The following LRFN5 variants were observed in gnomAD, a reference collection of about 807,000 sequenced individuals.
LRFN5 encodes leucine rich repeat and fibronectin type III domain containing 5.
Under a neutral mutation model 45.6 loss-of-function variants are expected in LRFN5, and 24 were observed. The observed-to-expected ratio is 0.53, with a 90% confidence interval of 0.38 to 0.74. The LOEUF (loss-of-function observed/expected upper bound fraction) is 0.74. Ranked by LOEUF, LRFN5 falls within the 30% of genes least tolerant of loss-of-function variation. The pLI is 0.00. For missense variants in LRFN5, 776 were observed against 861.5 expected (o/e 0.90, Z 1.24); for synonymous variants, 340 against 313.8 (o/e 1.08, Z -0.88).
At chr14:41,758,174 A>G (rs1157867897) in intron 1 of LRFN5, among the ~76,000 whole-genome samples, 1 of 152,002 alleles carries the variant, frequency 6.6e-6, no homozygotes, top group South Asian at 2.1e-4. Flanking sequence ...GATTTCCTTG[A>G]GTTTTTGTCT....
At chr14:41,863,059 T>C (rs1327197305) in intron 2 of LRFN5, among the ~76,000 whole-genome samples, 3 of 151,422 alleles carry the variant, frequency 2.0e-5, no homozygotes, top group Non-Finnish European at 2.9e-5. Flanking sequence ...TGAGACGGAG[T>C]TTCACCGTAT....
At chr14:41,673,594 C>T (rs531133713) in intron 1 of LRFN5, among the ~76,000 whole-genome samples, 66 of 147,098 alleles carry the variant, frequency 4.5e-4, no homozygotes, top group African/African-American at 1.6e-3. Flanking sequence ...ACCTCACTCC[C>T]GGATGGGGCG....
At chr14:41,812,331 G>GT (rs1026137035) in intron 2 of LRFN5, among the ~76,000 whole-genome samples, 16 of 151,694 alleles carry the variant, frequency 1.1e-4, no homozygotes, top group Admixed American at 2.0e-4. Flanking sequence ...ATTTCTATGA[G>GT]TTTTTTTTAA....
chr14:41,848,483 C>G (rs1889146346), intron 2 of LRFN5, among the ~76,000 whole-genome samples: 1 of 104,616 alleles, frequency 9.6e-6, no homozygotes, highest in Admixed American at 1.0e-4. Context: ...ACATAAATCT[C>G]TTCTGCATTA....
chr14:41,893,705 A>G (rs1401292392), intron 4 of LRFN5: 2 of 985,230 alleles, frequency 2.0e-6, no homozygotes, highest in Non-Finnish European at 2.4e-6. Context: ...GCCATTCAAT[A>G]GTATGTAAGA....
intron 1 of LRFN5, among the ~76,000 whole-genome samples, chr14:41,731,049 A>C (rs1884153038): frequency 6.6e-6 from 1 of 152,022 alleles, no homozygotes; most frequent in South Asian, 2.1e-4. Flanking sequence ...AAGACTCTTA[A>C]TATCTAAGAT....
chr14:41,881,064 C>T (rs971272644), intron 2 of LRFN5, among the ~76,000 whole-genome samples: 1 of 152,048 alleles, frequency 6.6e-6, no homozygotes, highest in African/African-American at 2.4e-5. Context: ...AGGATAAAAA[C>T]CTTTGCCTTT....
Position 41,887,550 on chromosome 14 carries a change from A to G in LRFN5, c.925A>G (p.Lys309Glu). ...GGGACAAAGGGCAACACTGAGGTGC[A>G]AAGCCAGGGGAGACCCTGAGCCTGC... The part of the protein sequence containing the change: ...LEGQRATLRC[K>E]ARGDPEPAIH... Residue 309 changes from lysine to glutamate, a missense_variant, in exon 3 of 6, where the codon AAA becomes GAA. Around this residue, in one of 2 missense-constraint regions of LRFN5, gnomAD observed 311 missense variants for 405.1 expected, o/e 0.77. Coordinates refer to ENST00000298119, the MANE Select transcript of LRFN5 (RefSeq NM_152447.5). The surrounding 1 kb of genome is among the most constrained non-coding windows in gnomAD (Gnocchi z 4.8). 1 of 1,614,208 alleles carries G rather than the reference A, an allele frequency of 6.2e-7. No individual in the cohort carries two copies. The highest frequency in any genetic ancestry group is 8.5e-7 in the Non-Finnish European group (1 of 1,180,024).
intron 2 of LRFN5, among the ~76,000 whole-genome samples, chr14:41,869,119 G>A (rs1488568073): frequency 2.6e-5 from 4 of 152,108 alleles, no homozygotes; most frequent in African/African-American, 9.7e-5. Context: ...TGGAGTGGTA[G>A]TTATTCATTT....
intron 2 of LRFN5, among the ~76,000 whole-genome samples, chr14:41,861,944 G>C (rs1006692175): frequency 1.3e-5 from 2 of 152,064 alleles, no homozygotes; most frequent in Non-Finnish European, 2.9e-5. Context: ...TTGAGGGAGG[G>C]ACCTGGTGTG....
At chr14:41,674,013 C>T (rs1463717672) in intron 1 of LRFN5, among the ~76,000 whole-genome samples, 8 of 138,426 alleles carry the variant, frequency 5.8e-5, no homozygotes, top group South Asian at 2.5e-4. Context: ...TTCCCAGACG[C>T]GGTGGCTGCC....
At chr14:41,657,205 A>G (rs954132172) in intron 1 of LRFN5, among the ~76,000 whole-genome samples, 3 of 151,954 alleles carry the variant, frequency 2.0e-5, no homozygotes, top group African/African-American at 7.2e-5. Context: ...GGATTTTCCT[A>G]ATTAGCAGAA....
At chr14:41,827,661 A>G (rs1335489151) in intron 2 of LRFN5, among the ~76,000 whole-genome samples, 1 of 152,006 alleles carries the variant, frequency 6.6e-6, no homozygotes, top group East Asian at 1.9e-4. Context: ...AAACAAAACC[A>G]TAGACCTGCT....
intron 1 of LRFN5, among the ~76,000 whole-genome samples, chr14:41,611,071 C>T: frequency 6.6e-6 from 1 of 152,186 alleles, no homozygotes; most frequent in Non-Finnish European, 1.5e-5. Flanking sequence ...CCTTTTCCCA[C>T]TAAGGACTCG....
At chr14:41,844,828 G>A (rs1050052028) in intron 2 of LRFN5, among the ~76,000 whole-genome samples, 1 of 151,774 alleles carries the variant, frequency 6.6e-6, no homozygotes. Flanking sequence ...GTCTTTTTTT[G>A]TATCATTTTC....
intron 1 of LRFN5, among the ~76,000 whole-genome samples, chr14:41,665,162 A>G (rs953997001): frequency 1.6e-4 from 25 of 151,960 alleles, no homozygotes; most frequent in African/African-American, 6.0e-4. Context: ...AAATGGTCTC[A>G]AATTTCTTAT....
intron 2 of LRFN5, among the ~76,000 whole-genome samples, chr14:41,809,048 G>T (rs1217942658): frequency 1.3e-5 from 2 of 152,204 alleles, no homozygotes; most frequent in South Asian, 4.2e-4. Flanking sequence ...GAAGCAGGAG[G>T]ACATTTCCTA....
chr14:41,774,161 A>T (rs950061799), intron 2 of LRFN5, among the ~76,000 whole-genome samples: 6 of 152,246 alleles, frequency 3.9e-5, no homozygotes, highest in African/African-American at 1.4e-4. Context: ...TAGATGCATG[A>T]CAACAATCTT....
chr14:41,615,323 C>T (rs1486371326), intron 1 of LRFN5, among the ~76,000 whole-genome samples: 1 of 152,004 alleles, frequency 6.6e-6, no homozygotes, highest in Admixed American at 6.6e-5. Context: ...TTATTTTTAG[C>T]ATGGTTGAAA....
Sources: gnomAD v4.1 joint callset for allele counts (sites outside exome capture counted in the v4.1 genomes callset) on GRCh38, gnomAD v4.1.1 for gene constraint, gnomAD v4.1.1 regional missense constraint, Gnocchi (gnomAD v3.1) non-coding constraint, MANE v1.5 for transcripts, NCBI Gene and HGNC (gene_info 2026-07-23, HGNC 2026-07-21) for gene names.